COL6A5: variants seen among roughly 807,000 people sequenced by gnomAD.
The protein encoded by COL6A5 is collagen alpha-5(VI) chain.
In COL6A5, 48 loss-of-function variants were observed where a neutral mutation model predicts 65.6. The ratio of observed to expected loss-of-function variants is 0.73; its 90% CI spans 0.58 to 0.93. COL6A5 has a LOEUF of 0.93. COL6A5 is among the 40% of genes least tolerant of loss of function. The pLI, the probability that COL6A5 is intolerant of heterozygous loss-of-function variation, is 0.00. For synonymous variants in COL6A5, 291 were observed against 322.8 expected (o/e 0.90, Z 1.05); for missense variants, 914 against 928.3 (o/e 0.98, Z 0.20).
At chr3:130,412,345 G>A (rs1302282852) in intron 20 of COL6A5, among the ~76,000 whole-genome samples, 1 of 152,092 alleles carries the variant, frequency 6.6e-6, no homozygotes, top group African/African-American at 2.4e-5. Context: ...CTACTAAGTG[G>A]CACAGCTGGG....
At chr3:130,391,561 G>C in exon 7 of COL6A5, 1 of 1,551,668 alleles carries the variant, frequency 6.4e-7, no homozygotes, top group Non-Finnish European at 8.7e-7. Context: ...ACCATGATCA[G>C]CTCAATGACA....
chr3:130,434,886 G>A (rs1183592750), intron 1 of COL6A5, among the ~76,000 whole-genome samples: 4 of 152,070 alleles, frequency 2.6e-5, no homozygotes, highest in African/African-American at 9.7e-5. Context: ...CATTTCTGTA[G>A]GTTGCCTGTT....
At chr3:130,376,954 ACT>A in intron 3 of COL6A5, 118 bp downstream of exon 3, 10 of 1,142,546 alleles carry the variant, frequency 8.8e-6, no homozygotes, top group Admixed American at 5.7e-5. Flanking sequence ...AGTATTGGAA[ACT>A]TCTACACATC....
exon 5 of COL6A5, chr3:130,455,591 A>G: frequency 6.2e-7 from 1 of 1,613,330 alleles, no homozygotes. Context: ...TCCAAGCCAA[A>G]TGTTTGAGCC....
chr3:130,421,374 G>T lies in COL6A5; in HGVS notation c.5037+14G>T. The T allele has an allele frequency of 6.5e-7, 1 of 1,550,190 alleles. No individual in the cohort carries two copies. Among genetic ancestry groups the T allele is most frequent in the East Asian group, 2.4e-5 (1 of 40,886 alleles). ...GCGGGGCAGAAGGTATTGTATGCAT[G>T]ACCTTTTGAAATTACCATGATCTTA... On this transcript the variant is annotated intron_variant and NMD_transcript_variant, in intron 27 of 41. Transcript: ENST00000312481.
At chr3:130,465,366 C>A (rs1217278578) in intron 5 of COL6A5, among the ~76,000 whole-genome samples, 1 of 152,042 alleles carries the variant, frequency 6.6e-6, no homozygotes, top group Non-Finnish European at 1.5e-5. Context: ...AAGGAATTAC[C>A]TGAGACCAGG....
At chr3:130,436,129 T>A (rs1371768538) in intron 1 of COL6A5, among the ~76,000 whole-genome samples, 1 of 152,070 alleles carries the variant, frequency 6.6e-6, no homozygotes, top group Non-Finnish European at 1.5e-5. Context: ...TTTTTCTCTG[T>A]AGAGTATATC....
intron 1 of COL6A5, among the ~76,000 whole-genome samples, chr3:130,360,928 C>T (rs1252459981): frequency 6.6e-6 from 1 of 152,048 alleles, no homozygotes; most frequent in Non-Finnish European, 1.5e-5. Flanking sequence ...CAAAAAGTCT[C>T]TCGTGCCCAA....
At chr3:130,384,921 G>A in exon 5 of COL6A5, 2 of 1,550,984 alleles carry the variant, frequency 1.3e-6, no homozygotes, top group Non-Finnish European at 1.7e-6. Flanking sequence ...GAAATGTTTA[G>A]CATTGGCCCA....
chr3:130,443,574 A>G lies in COL6A5; in HGVS notation c.1332+8A>G. Reference sequence around the variant, plus strand: ...TCAAAATGATGGTTTCCAGTAAGTTAGAAAGCTCTTATATTTACAAGTGAC... The same window carrying G: ...TCAAAATGATGGTTTCCAGTAAGTTGGAAAGCTCTTATATTTACAAGTGAC... On this transcript the variant is annotated splice_region_variant and intron_variant, in intron 4 of 7. Transcript: ENST00000512836. The G allele has an allele frequency of 2.6e-6, 4 of 1,566,236 alleles. No individual in the cohort carries two copies. The South Asian group carries it at 4.4e-5, about 17-fold the overall frequency.
intron 4 of COL6A5, among the ~76,000 whole-genome samples, chr3:130,455,131 AAAGAGCAAGACCCTGTCTC>A: frequency 6.6e-6 from 1 of 151,442 alleles, no homozygotes; most frequent in Non-Finnish European, 1.5e-5. Flanking sequence ...CCCTGTCTCA[AAAGAGCAAGACCCTGTCTC>A]AAAAAAAAAA....
At chr3:130,352,974 T>TAA (rs1456794233) in intron 1 of COL6A5, among the ~76,000 whole-genome samples, 1 of 152,090 alleles carries the variant, frequency 6.6e-6, no homozygotes, top group East Asian at 1.9e-4. Flanking sequence ...ATTGTAAAGA[T>TAA]AAAAAACAAA....
chr3:130,424,024 T>A, intron 29 of COL6A5, 124 bp downstream of exon 29: 1 of 631,396 alleles, frequency 1.6e-6, no homozygotes, highest in Non-Finnish European at 2.7e-6. Context: ...ACTAGCTATA[T>A]GACCCAGTCA....
At chr3:130,391,742 G>T in exon 7 of COL6A5, 1 of 1,547,748 alleles carries the variant, frequency 6.5e-7, no homozygotes, top group South Asian at 1.2e-5. Context: ...TATGTGTACT[G>T]AAGCACCAGA....
At chr3:130,376,585 T>C in exon 3 of COL6A5, 1 of 1,606,960 alleles carries the variant, frequency 6.2e-7, no homozygotes, top group Non-Finnish European at 8.5e-7. Flanking sequence ...CCAATTTTGG[T>C]GGTCCTGGCT....
rs200667807 is a variant in COL6A5 at position 130,440,696 on chromosome 3, C to T, written c.1114C>T (p.Arg372Cys). 9.3e-4 allele frequency: 1,507 copies of T among 1,613,518 alleles called. 2 individuals carry two copies. The highest frequency in any genetic ancestry group is 1.2e-3 in the Non-Finnish European group (1,381 of 1,179,692). Residue 372 changes from arginine (R) to cysteine (C), a missense_variant, in exon 3 of 8, where the codon CGT becomes TGT. Physicochemically the swap from Arg to Cys is radical, Grantham distance 180. Coordinates refer to ENST00000512836, the Ensembl canonical transcript of COL6A5. ...ATTTGTGATTTCTCTGGGCTCTACA[C>T]GTAAGGATGACATGGAGGAGTTAGC...
chr3:130,392,254 T>A (rs759202232), intron 7 of COL6A5, among the ~76,000 whole-genome samples: 23 of 152,180 alleles, frequency 1.5e-4, no homozygotes, highest in Non-Finnish European at 1.9e-4. Context: ...TGGCCTGATG[T>A]GCTTTTCTGG....
exon 6 of COL6A5, chr3:130,468,963 A>G (rs1220849369): frequency 6.2e-7 from 1 of 1,612,806 alleles, no homozygotes; most frequent in South Asian, 1.1e-5. Context: ...GTGCTTGATT[A>G]CTTTCACATT....
chr3:130,391,014 C>CT lies in COL6A5; in HGVS notation c.2417-156dup, dbSNP rs999088432. 2.3e-4 allele frequency among the ~76,000 whole-genome samples: 35 copies of CT among 151,876 alleles called. No individual in the cohort carries two copies. In the South Asian group the frequency reaches 6.3e-3, roughly 27 times the overall value. On this transcript the variant is annotated intron_variant and NMD_transcript_variant, in intron 6 of 41. Transcript: ENST00000312481. ...CAAGTTGCACTTCTCTGAGCCTTGA[C>CT]TTTTTTTTTCTGTAAAATGGCAGCA...
Sources: allele counts gnomAD v4.1 joint callset (sites outside exome capture counted in the v4.1 genomes callset), GRCh38; gene constraint gnomAD v4.1.1; transcripts MANE v1.5; gene names NCBI Gene and HGNC (gene_info 2026-07-23, HGNC 2026-07-21).